SOS1: variants seen among roughly 807,000 people sequenced by gnomAD.
SOS1 encodes the protein SOS Ras/Rac guanine nucleotide exchange factor 1.
SOS1 carries 25 observed loss-of-function variants against 157.6 expected under a neutral mutation model. That is an observed-to-expected ratio of 0.16 (90% confidence interval 0.12 to 0.22). SOS1 has a LOEUF of 0.22. Ranked by LOEUF, SOS1 falls within the 10% of genes least tolerant of loss-of-function variation. SOS1 has a pLI of 1.00. For synonymous variants in SOS1, 528 were observed against 534.0 expected, an observed-to-expected ratio of 0.99 and a Z score of 0.16; for missense variants, 1,237 against 1,599.1, an observed-to-expected ratio of 0.77 and a Z score of 3.86.
At chr2:39,078,949 A>G (rs1672109434) in intron 1 of SOS1, among the ~76,000 whole-genome samples, 1 of 151,700 alleles carries the variant, frequency 6.6e-6, no homozygotes, top group Admixed American at 6.6e-5. Context: ...AGTCCCAGCT[A>G]CTTGGGAGGC....
intron 1 of SOS1, among the ~76,000 whole-genome samples, chr2:39,102,687 A>AT (rs543368032): frequency 1.9e-3 from 287 of 151,154 alleles, no homozygotes; most frequent in Non-Finnish European, 3.4e-3. Flanking sequence ...GCTCACGCCC[A>AT]TAATCCCAGC....
intron 1 of SOS1, among the ~76,000 whole-genome samples, chr2:39,071,835 G>A (rs1035365072): frequency 2.6e-5 from 4 of 151,466 alleles, no homozygotes; most frequent in Non-Finnish European, 4.4e-5. Flanking sequence ...GCTAAAACAC[G>A]GCATGCAGTT....
Position 38,982,666 on chromosome 2 carries a change from A to G in SOS1, c.*3158T>C, listed in dbSNP as rs913024422. 2.6e-5 allele frequency: 4 copies of G among 152,306 alleles called. No individual in the cohort carries two copies. The South Asian group carries it at 6.2e-4, about 24-fold the overall frequency. The allele number at this position is 152,306 out of a possible 1,614,324, so 9.4% of individuals were successfully genotyped here. A position where few individuals can be genotyped will look rare whatever the true frequency, so the allele number is the denominator to read the frequency against. Reference sequence around the variant, plus strand: ...GTTTTCTTCAATATGTACAACACTAATAAATTGGGACACTCCTCCTATTTT... The same window carrying G: ...GTTTTCTTCAATATGTACAACACTAGTAAATTGGGACACTCCTCCTATTTT... On this transcript the variant is annotated 3_prime_UTR_variant, in exon 23 of 23. Transcript: ENST00000402219.
chr2:39,095,425 G>A (rs966587875), intron 1 of SOS1, among the ~76,000 whole-genome samples: 2 of 152,190 alleles, frequency 1.3e-5, no homozygotes, highest in Non-Finnish European at 2.9e-5. Context: ...GTGCAGAGAA[G>A]AGAGATTCAG....
intron 5 of SOS1, among the ~76,000 whole-genome samples, chr2:39,052,742 C>G (rs561845757): frequency 6.6e-6 from 1 of 152,312 alleles, no homozygotes; most frequent in Admixed American, 6.5e-5. Flanking sequence ...ACAAATAAAG[C>G]CGCTATGAAC....
In SOS1 at chr2:39,035,724, A is replaced by G. The variant is rs181468217; in HGVS notation, c.865-224T>C. ...ATGAATAATAAAATCCTTATATGTT[A>G]TAACAGCTCTCATTAAAGGTTTCCA... On this transcript the variant is annotated intron_variant, in intron 6 of 22. Transcript: ENST00000402219. Among the ~76,000 whole-genome samples the G allele has an allele frequency of 2.2e-3, 335 of 152,332 alleles. 1 individual carries two copies. Among genetic ancestry groups the G allele is most frequent in the Non-Finnish European group, 3.8e-3 (258 of 68,024 alleles).
rs1424379809 is a variant in SOS1, at chr2:39,102,410, AG to A, written c.87+17925del. ...TGTGGTGGTACACACTTGTAGTCCT[AG>A]CTACTCAGCTAGACTAGGTTGAGGT... On this transcript the variant is annotated intron_variant, in intron 1 of 22. Coordinates refer to ENST00000402219, the MANE Select transcript of SOS1 (RefSeq NM_005633.4). 6.0e-5 allele frequency among the ~76,000 whole-genome samples: 9 copies of A among 150,444 alleles called. No homozygotes were observed. The South Asian group carries it at 1.7e-3, about 28-fold the overall frequency.
rs58865034 is a variant in SOS1, at chr2:39,102,204, C to CAAAAAAAAAAAAAAAA, written c.87+18116_87+18131dup. On this transcript the variant is annotated intron_variant, in intron 1 of 22. Transcript: ENST00000402219. The stretch of plus-strand genomic sequence containing the variant: ...CGGGTGACAGTGCGAGACTCTGTCT[C>CAAAAAAAAAAAAAAAA]AAAAAAAAAAAAAAAAAAAAAAAAA... Among the ~76,000 whole-genome samples, 3 of 23,752 alleles carry CAAAAAAAAAAAAAAAA rather than the reference C, an allele frequency of 1.3e-4. 1 individual carries two copies. Among genetic ancestry groups the CAAAAAAAAAAAAAAAA allele is most frequent in the Non-Finnish European group, 1.5e-4 (2 of 13,644 alleles). 15.6% of individuals were successfully genotyped at this position (23,752 alleles called of 152,430 possible).
chr2:39,101,595 T>C (rs1217603700), intron 1 of SOS1, among the ~76,000 whole-genome samples: 1 of 152,162 alleles, frequency 6.6e-6, no homozygotes, highest in Non-Finnish European at 1.5e-5. Flanking sequence ...AATGTTGAAA[T>C]TTCTGACAAA....
intron 10 of SOS1, among the ~76,000 whole-genome samples, chr2:39,015,946 G>A (rs1669617827): frequency 6.6e-6 from 1 of 150,598 alleles, no homozygotes. Flanking sequence ...CTTTATTTCT[G>A]TTAGGCTACA....
At chr2:39,044,356 TTGTTA>T in intron 6 of SOS1, among the ~76,000 whole-genome samples, 1 of 152,314 alleles carries the variant, frequency 6.6e-6, no homozygotes, top group Middle Eastern at 3.4e-3. Flanking sequence ...ATGAGAACTT[TTGTTA>T]TATCAATTTC....
rs138989380 is a variant in SOS1 at position 38,996,008 on chromosome 2, A to G, written c.3082-621T>C. On this transcript the variant is annotated intron_variant, in intron 19 of 22. Transcript: ENST00000402219. ...GCTTGAGAAATTTTGCTGTCAGGCA[A>G]TTGCATACACTTTAATTAAAAGACA... Among the ~76,000 whole-genome samples, 1,038 of 152,294 alleles carry G rather than the reference A, an allele frequency of 6.8e-3. 13 individuals carry two copies. Among genetic ancestry groups the G allele is most frequent in the Admixed American group, 0.026 (404 of 15,302 alleles).
intron 1 of SOS1, among the ~76,000 whole-genome samples, chr2:39,096,501 T>A (rs1672766652): frequency 6.6e-6 from 1 of 152,206 alleles, no homozygotes; most frequent in African/African-American, 2.4e-5. Flanking sequence ...AAATAGCATT[T>A]AGCACAGAAT....
At chr2:39,052,797 G>C (rs765283998) in intron 5 of SOS1, among the ~76,000 whole-genome samples, 79 of 152,024 alleles carry the variant, frequency 5.2e-4, no homozygotes, top group Non-Finnish European at 2.2e-4. Context: ...ATTTCTTCTG[G>C]GTAAAAACCT....
At chr2:39,084,810 A>T (rs1441529187) in intron 1 of SOS1, among the ~76,000 whole-genome samples, 1 of 152,136 alleles carries the variant, frequency 6.6e-6, no homozygotes, top group African/African-American at 2.4e-5. Context: ...TGACCTTCCT[A>T]AACAACTTTT....
rs1022852724 is a variant in SOS1, at chr2:39,117,761, G to A, written c.87+2575C>T. 2.0e-5 allele frequency among the ~76,000 whole-genome samples: 3 copies of A among 152,150 alleles called. 1 individual carries two copies. Among genetic ancestry groups the A allele is most frequent in the South Asian group, 4.1e-4 (2 of 4,836 alleles). Reference sequence around the variant, plus strand: ...CAAAGGAGACTCAATTAGAGAAGTCGGAGGAGGAATAGACTAGAAGAACAT... The same window carrying A: ...CAAAGGAGACTCAATTAGAGAAGTCAGAGGAGGAATAGACTAGAAGAACAT... On this transcript the variant is annotated intron_variant, in intron 1 of 22. Transcript: ENST00000402219.
chr2:39,008,428 C>A (rs1160516464), intron 15 of SOS1, among the ~76,000 whole-genome samples: 1 of 152,186 alleles, frequency 6.6e-6, no homozygotes, highest in African/African-American at 2.4e-5. Context: ...CTCCTAATTT[C>A]TTGTCATTTG....
At chr2:39,064,377 G>A (rs1307157821) in intron 2 of SOS1, among the ~76,000 whole-genome samples, 1 of 152,158 alleles carries the variant, frequency 6.6e-6, no homozygotes, top group Non-Finnish European at 1.5e-5. Context: ...ATGAATTTGG[G>A]AGGGGCACAA....
chr2:38,991,554 CT>C (rs1435350593), intron 20 of SOS1, among the ~76,000 whole-genome samples: 2 of 152,216 alleles, frequency 1.3e-5, no homozygotes, highest in Non-Finnish European at 2.9e-5. Context: ...TTCTCAGCAA[CT>C]GTCGTCATCA....
Sources: allele counts gnomAD v4.1 joint callset (sites outside exome capture counted in the v4.1 genomes callset), GRCh38; gene constraint gnomAD v4.1.1; transcripts MANE v1.5; gene names NCBI Gene and HGNC (gene_info 2026-07-23, HGNC 2026-07-21).